DCLK1: variants seen among roughly 807,000 people sequenced by gnomAD.
DCLK1 encodes the protein serine/threonine-protein kinase DCLK1.
In DCLK1, 16 loss-of-function variants were observed where a neutral mutation model predicts 86.2. The observed-to-expected ratio is 0.19, with a 90% CI of 0.13 to 0.28. DCLK1 has a LOEUF of 0.28. Ranked by LOEUF, DCLK1 falls within the 10% of genes least tolerant of loss-of-function variation. DCLK1 has a pLI of 1.00. For synonymous variants in DCLK1, 369 were observed against 370.5 expected (o/e 1.00, Z 0.05); for missense variants, 590 against 940.2 (o/e 0.63, Z 4.87).
intron 16 of DCLK1, among the ~76,000 whole-genome samples, chr13:35,792,602 A>C (rs2153099444): frequency 6.6e-6 from 1 of 152,208 alleles, no homozygotes; most frequent in South Asian, 2.1e-4. Context: ...CTCTGAAAAA[A>C]AGAGGAATTT....
chr13:36,069,510 G>A (rs1426522381), intron 3 of DCLK1, among the ~76,000 whole-genome samples: 1 of 152,096 alleles, frequency 6.6e-6, no homozygotes, highest in African/African-American at 2.4e-5. Flanking sequence ...TGCTCATAAG[G>A]CAACTTTCAG....
At chr13:36,111,042 G>A (rs1885599718) in intron 3 of DCLK1, among the ~76,000 whole-genome samples, 1 of 151,656 alleles carries the variant, frequency 6.6e-6, no homozygotes, top group African/African-American at 2.4e-5. Flanking sequence ...CACCCTGTTA[G>A]CCAGGATGGT....
intron 3 of DCLK1, among the ~76,000 whole-genome samples, chr13:36,031,203 A>G (rs1882255354): frequency 6.6e-6 from 1 of 152,202 alleles, no homozygotes; most frequent in Non-Finnish European, 1.5e-5. Flanking sequence ...AAAATAGCCA[A>G]AATCAAATTA....
At chr13:36,082,132 C>T (rs1884440904) in intron 3 of DCLK1, among the ~76,000 whole-genome samples, 2 of 152,080 alleles carry the variant, frequency 1.3e-5, no homozygotes, top group South Asian at 2.1e-4. Flanking sequence ...GTGTGCCTGC[C>T]TCTCCTGCCT....
At chr13:35,981,791 C>G (rs1879655672) in intron 3 of DCLK1, among the ~76,000 whole-genome samples, 1 of 152,184 alleles carries the variant, frequency 6.6e-6, no homozygotes, top group Admixed American at 6.5e-5. Flanking sequence ...GCTTTCAATT[C>G]TTTTGGGTAT....
intron 4 of DCLK1, among the ~76,000 whole-genome samples, chr13:35,878,118 C>T (rs1426105885): frequency 6.6e-6 from 1 of 152,216 alleles, no homozygotes; most frequent in Non-Finnish European, 1.5e-5. Flanking sequence ...AGATTCACCA[C>T]CTCCTGCCTC....
intron 3 of DCLK1, among the ~76,000 whole-genome samples, chr13:36,040,406 T>C (rs1427266297): frequency 7.0e-6 from 1 of 143,558 alleles, no homozygotes; most frequent in East Asian, 2.3e-4. Flanking sequence ...TCCCTCAAAC[T>C]GTCAAGGTTT....
At chr13:35,922,412 T>G (rs556088817) in intron 4 of DCLK1, among the ~76,000 whole-genome samples, 2 of 152,198 alleles carry the variant, frequency 1.3e-5, no homozygotes, top group Non-Finnish European at 1.5e-5. Flanking sequence ...GAGCTACGCA[T>G]GCAGCAGATG....
chr13:35,842,414 T>C (rs1266295070), intron 6 of DCLK1, among the ~76,000 whole-genome samples: 1 of 151,826 alleles, frequency 6.6e-6, no homozygotes, highest in Non-Finnish European at 1.5e-5. Flanking sequence ...TCCGTCTGTG[T>C]CTTCCAAGCA....
intron 6 of DCLK1, among the ~76,000 whole-genome samples, chr13:35,841,518 TGGAAAAAAAAAAA>T (rs1869788808): frequency 6.6e-6 from 1 of 150,462 alleles, no homozygotes; most frequent in South Asian, 2.1e-4. Flanking sequence ...TAGGCTCTGG[TGGAAAAAAAAAAA>T]GGAAAAAAAA....
At chr13:35,978,203 C>CTTTTTTTTTTTTTTTTTTTTTT (rs11311688) in intron 3 of DCLK1, among the ~76,000 whole-genome samples, 45 of 82,764 alleles carry the variant, frequency 5.4e-4, no homozygotes, top group Admixed American at 7.4e-4. Context: ...CTTTTCTTTT[C>CTTTTTTTTTTTTTTTTTTTTTT]TTTTTTTTTT....
intron 11 of DCLK1, among the ~76,000 whole-genome samples, chr13:35,813,036 A>G (rs2153103338): frequency 6.6e-6 from 1 of 152,376 alleles, no homozygotes; most frequent in East Asian, 1.9e-4. Context: ...TTACCACGTC[A>G]GCCATTCTGG....
chr13:36,024,022 A>G, intron 3 of DCLK1, among the ~76,000 whole-genome samples: 1 of 149,812 alleles, frequency 6.7e-6, no homozygotes, highest in South Asian at 2.1e-4. Context: ...CAGCCTCCCG[A>G]GTAGCTGGGA....
At chr13:36,110,384 T>C (rs1211007804) in intron 3 of DCLK1, among the ~76,000 whole-genome samples, 1 of 152,120 alleles carries the variant, frequency 6.6e-6, no homozygotes, top group Non-Finnish European at 1.5e-5. Flanking sequence ...AGAATCCTTA[T>C]CCGCATATTA....
At chr13:36,075,100 A>G (rs1225697150) in intron 3 of DCLK1, among the ~76,000 whole-genome samples, 1 of 152,240 alleles carries the variant, frequency 6.6e-6, no homozygotes, top group Non-Finnish European at 1.5e-5. Context: ...TTTCTGTAGC[A>G]GGATGGCAAA....
intron 3 of DCLK1, among the ~76,000 whole-genome samples, chr13:36,022,955 C>T (rs1348151211): frequency 6.6e-6 from 1 of 152,152 alleles, no homozygotes; most frequent in Non-Finnish European, 1.5e-5. Context: ...GAAAAGAAAA[C>T]TACAGGCAAA....
intron 3 of DCLK1, among the ~76,000 whole-genome samples, chr13:35,998,218 G>A (rs1469054384): frequency 6.6e-6 from 1 of 152,016 alleles, no homozygotes; most frequent in African/African-American, 2.4e-5. Context: ...TTAAGATAAA[G>A]TACAAAACTA....
At chr13:35,838,065 C>CAAAAAAAA (rs748395648) in intron 7 of DCLK1, among the ~76,000 whole-genome samples, 13 of 100,378 alleles carry the variant, frequency 1.3e-4, no homozygotes, top group African/African-American at 2.0e-4. Context: ...GACTCCATCT[C>CAAAAAAAA]AAAAAAAAAA....
intron 3 of DCLK1, among the ~76,000 whole-genome samples, chr13:36,035,030 T>C (rs1882432211): frequency 6.6e-6 from 1 of 152,120 alleles, no homozygotes; most frequent in South Asian, 2.1e-4. Context: ...CTCTCCTCTA[T>C]GACCATGAAA....
Sources: allele counts gnomAD v4.1 joint callset (sites outside exome capture counted in the v4.1 genomes callset), GRCh38; gene constraint gnomAD v4.1.1; transcripts MANE v1.5; gene names NCBI Gene and HGNC (gene_info 2026-07-23, HGNC 2026-07-21).